The following EPB41L3 variants were observed in gnomAD, a reference collection of about 807,000 sequenced individuals.
The protein encoded by EPB41L3 is erythrocyte membrane protein band 4.1 like 3.
Under a neutral mutation model 127.1 loss-of-function variants are expected in EPB41L3, and 57 were observed. The ratio of observed to expected loss-of-function variants is 0.45; its 90% CI spans 0.36 to 0.56. The LOEUF (loss-of-function observed/expected upper bound fraction) is 0.56, where lower values mean the gene tolerates loss of function less well. EPB41L3 is among the 20% of genes least tolerant of loss of function. The pLI is 0.00. For missense variants in EPB41L3, 1,273 were observed against 1,372.2 expected (o/e 0.93, Z 1.14); for synonymous variants, 572 against 549.5 (o/e 1.04, Z -0.57).
intron 3 of EPB41L3, among the ~76,000 whole-genome samples, chr18:5,463,155 T>A (rs1309460134): frequency 1.3e-5 from 2 of 152,228 alleles, no homozygotes; most frequent in Non-Finnish European, 2.9e-5. Flanking sequence ...CAGCATCTCC[T>A]GCCTGGTTCT....
intron 3 of EPB41L3, among the ~76,000 whole-genome samples, chr18:5,447,488 A>G (rs1271674590): frequency 6.9e-6 from 1 of 145,378 alleles, no homozygotes; most frequent in Non-Finnish European, 1.5e-5. Flanking sequence ...CATACACACA[A>G]CGTAGAAAAA....
In EPB41L3 at chr18:5,395,082, G is replaced by A; in HGVS notation, c.3138C>T (p.Asp1046=). ...EKRIVITGDA[D]IDHDQALAQA... ...CACACACTACCTGGTCATGGTCAAT[G>A]TCTGCATCCCCCGTGATGACTATTC... Residue 1046 remains aspartate (D), a synonymous_variant, in exon 21 of 23, where the codon GAC becomes GAT. Coordinates refer to ENST00000341928, the MANE Select transcript of EPB41L3 (RefSeq NM_012307.5). 2 of 1,614,108 alleles carry A rather than the reference G, an allele frequency of 1.2e-6. No homozygotes were observed. The highest frequency in any genetic ancestry group is 1.7e-6 in the Non-Finnish European group (2 of 1,179,986).
chr18:5,533,191 C>T (rs1364669996), intron 1 of EPB41L3, among the ~76,000 whole-genome samples: 1 of 152,112 alleles, frequency 6.6e-6, no homozygotes, highest in Non-Finnish European at 1.5e-5. Flanking sequence ...CACAATTTGT[C>T]GGGCTTGCTG....
At chr18:5,580,692 A>T (rs938420732) in intron 3 of EPB41L3, among the ~76,000 whole-genome samples, 2 of 152,226 alleles carry the variant, frequency 1.3e-5, no homozygotes, top group Non-Finnish European at 2.9e-5. Flanking sequence ...ACACTTATGC[A>T]TATGTATTCA....
intron 3 of EPB41L3, among the ~76,000 whole-genome samples, chr18:5,467,193 T>G (rs1016000458): frequency 1.3e-5 from 2 of 152,238 alleles, no homozygotes; most frequent in East Asian, 1.9e-4. Flanking sequence ...TACACCACTC[T>G]GAAGACTTCC....
chr18:5,511,400 T>G (rs2092510735), intron 1 of EPB41L3, among the ~76,000 whole-genome samples: 1 of 135,450 alleles, frequency 7.4e-6, no homozygotes, highest in African/African-American at 2.9e-5. Flanking sequence ...GGTTTTTTTT[T>G]TTTTTTTTTT....
At chr18:5,489,708 C>T (rs1374054398) in intron 1 of EPB41L3, among the ~76,000 whole-genome samples, 1 of 152,132 alleles carries the variant, frequency 6.6e-6, no homozygotes, top group East Asian at 1.9e-4. Flanking sequence ...TCTCTTAATC[C>T]AGTTATCCCT....
chr18:5,442,825 T>A (rs1443104094), intron 5 of EPB41L3, among the ~76,000 whole-genome samples: 1 of 152,244 alleles, frequency 6.6e-6, no homozygotes, highest in African/African-American at 2.4e-5. Context: ...TGGATGATAC[T>A]GCTGGAGTAA....
At chr18:5,478,534 G>A (rs1421932550) in intron 2 of EPB41L3, 96 bp from the exon 3 acceptor site, 4 of 1,068,520 alleles carry the variant, frequency 3.7e-6, no homozygotes, top group African/African-American at 1.6e-5. Context: ...CTATTTCATA[G>A]AGGAGAGGTA....
At chr18:5,532,207 T>C (rs528878148) in intron 1 of EPB41L3, among the ~76,000 whole-genome samples, 1 of 152,356 alleles carries the variant, frequency 6.6e-6, no homozygotes, top group South Asian at 2.1e-4. Context: ...GCCAAGTCTC[T>C]GGGCTCTGAT....
At chr18:5,536,465 T>A (rs1359908665) in intron 1 of EPB41L3, among the ~76,000 whole-genome samples, 1 of 150,850 alleles carries the variant, frequency 6.6e-6, no homozygotes, top group Non-Finnish European at 1.5e-5. Context: ...TAGATTTGCA[T>A]GCATGAAAAA....
At chr18:5,447,159 G>A (rs566244749) in intron 3 of EPB41L3, among the ~76,000 whole-genome samples, 4 of 152,060 alleles carry the variant, frequency 2.6e-5, no homozygotes, top group Admixed American at 2.6e-4. Context: ...ATGTAAAATG[G>A]GTATGACACT....
At chr18:5,453,812 T>C (rs925476281) in intron 3 of EPB41L3, among the ~76,000 whole-genome samples, 1 of 152,218 alleles carries the variant, frequency 6.6e-6, no homozygotes, top group Non-Finnish European at 1.5e-5. Flanking sequence ...ATTCGATCTA[T>C]GTGTCTAAGA....
At position 5,502,516 on chromosome 18, in the gene EPB41L3, T is replaced by C. The variant is rs914544367; in HGVS notation, c.-11-13322A>G. Among the ~76,000 whole-genome samples, 3 of 152,224 alleles carry C rather than the reference T, an allele frequency of 2.0e-5. No homozygotes were observed. The East Asian group carries it at 5.8e-4, about 29-fold the overall frequency. On this transcript the variant is annotated intron_variant, in intron 1 of 22. Coordinates refer to ENST00000341928, the MANE Select transcript of EPB41L3 (RefSeq NM_012307.5). The stretch of plus-strand genomic sequence containing the variant: ...TTAAAATGAACACAAAGTAAATCTG[T>C]CTAAGTGGAAGCTTTATATGTGGTT...
intron 3 of EPB41L3, among the ~76,000 whole-genome samples, chr18:5,448,389 T>A (rs1201783455): frequency 6.6e-6 from 1 of 152,182 alleles, no homozygotes; most frequent in Non-Finnish European, 1.5e-5. Context: ...TAGCATATTA[T>A]TCAACTTTTC....
chr18:5,527,130 G>C (rs1157157280), intron 1 of EPB41L3, among the ~76,000 whole-genome samples: 1 of 152,062 alleles, frequency 6.6e-6, no homozygotes, highest in Non-Finnish European at 1.5e-5. Context: ...TTCTTAAGGG[G>C]GAGAAATTAT....
At chr18:5,424,680 C>T (rs926120946) in intron 9 of EPB41L3, among the ~76,000 whole-genome samples, 2 of 152,118 alleles carry the variant, frequency 1.3e-5, no homozygotes, top group African/African-American at 4.8e-5. Flanking sequence ...GCCCTGATAT[C>T]ACTTTTAAAC....
At chr18:5,576,759 A>T (rs566954635) in intron 3 of EPB41L3, among the ~76,000 whole-genome samples, 106 of 152,368 alleles carry the variant, frequency 7.0e-4, no homozygotes, top group African/African-American at 2.5e-3. Context: ...TGTTTTTACA[A>T]TTACTTACAA....
chr18:5,453,830 C>G (rs2082630389), intron 3 of EPB41L3, among the ~76,000 whole-genome samples: 1 of 152,184 alleles, frequency 6.6e-6, no homozygotes, highest in African/African-American at 2.4e-5. Flanking sequence ...AGAAGTGCTA[C>G]TGACAAGAAT....
Sources: allele counts gnomAD v4.1 joint callset (sites outside exome capture counted in the v4.1 genomes callset), GRCh38; gene constraint gnomAD v4.1.1; transcripts MANE v1.5; gene names NCBI Gene and HGNC (gene_info 2026-07-23, HGNC 2026-07-21).